Variants in SP100 observed in about 807,000 individuals in gnomAD.
SP100 encodes nuclear autoantigen Sp-100.
In SP100, 84 loss-of-function variants were observed where a neutral mutation model predicts 130.0. That is an observed-to-expected ratio of 0.65 (90% CI 0.54 to 0.77). SP100 has a LOEUF of 0.77. Ranked by LOEUF, SP100 falls within the 30% of genes least tolerant of loss-of-function variation. The pLI is 0.00. For synonymous variants in SP100, 331 were observed against 351.7 expected (o/e 0.94, Z 0.66); for missense variants, 978 against 1,052.2 (o/e 0.93, Z 0.97).
At chr2:230,466,986 A>AG (rs3214547) in intron 12 of SP100, 134 bp from the exon 13 acceptor site, 476,691 of 664,822 alleles carry the variant, frequency 0.72, 173,848 homozygotes, top group South Asian at 0.83. Context: ...TGGAGGTTTG[A>AG]GGCACGGACA....
chr2:230,481,489 T>C (rs909023340), intron 17 of SP100, among the ~76,000 whole-genome samples: 1 of 152,168 alleles, frequency 6.6e-6, no homozygotes. Context: ...ATATATCAGA[T>C]TTGTCCATTC....
rs2063753026 is a variant in SP100 at position 230,447,272 on chromosome 2, C to T, written c.523+370C>T. ...GGAGACCCCTGGGGAAAGAAAGGCT[C>T]CTGTTTTACCTGTACTGTCATATTC... On this transcript the variant is annotated intron_variant, in intron 5 of 28. Coordinates refer to ENST00000340126, the MANE Select transcript of SP100 (RefSeq NM_001080391.2). Among the ~76,000 whole-genome samples, 6 of 152,188 alleles carry T rather than the reference C, an allele frequency of 3.9e-5. 1 individual carries two copies. The highest frequency in any genetic ancestry group is 3.9e-4 in the Admixed American group (6 of 15,278).
chr2:230,489,804 T>G (rs2066302237), intron 17 of SP100, among the ~76,000 whole-genome samples: 1 of 152,208 alleles, frequency 6.6e-6, no homozygotes, highest in Admixed American at 6.5e-5. Flanking sequence ...GTTGTTCAAT[T>G]TCCATGTAAT....
chr2:230,471,432 T>C (rs1458380264), intron 15 of SP100, among the ~76,000 whole-genome samples: 2 of 152,224 alleles, frequency 1.3e-5, no homozygotes, highest in Non-Finnish European at 2.9e-5. Flanking sequence ...TATTATTTCC[T>C]TGTTTGTCTT....
At chr2:230,459,680 T>C (rs1490201724) in intron 8 of SP100, among the ~76,000 whole-genome samples, 1 of 152,180 alleles carries the variant, frequency 6.6e-6, no homozygotes, top group Non-Finnish European at 1.5e-5. Context: ...ATCCCAACTT[T>C]AAAATATCTC....
chr2:230,479,220 C>G (rs2065714297), intron 17 of SP100, among the ~76,000 whole-genome samples: 1 of 152,154 alleles, frequency 6.6e-6, no homozygotes, highest in Admixed American at 6.5e-5. Context: ...TCCTTTCTGT[C>G]TTGTCTTCAC....
chr2:230,416,924 G>A (rs2062615124), intron 1 of SP100: 8 of 982,388 alleles, frequency 8.1e-6, no homozygotes, highest in Non-Finnish European at 9.7e-6. Context: ...TCAATTTCCT[G>A]TCCCAAGATG....
In SP100 at chr2:230,486,905, G is replaced by T. The variant is rs183277581; in HGVS notation, c.1601-7511G>T. 2.3e-3 allele frequency among the ~76,000 whole-genome samples: 345 copies of T among 152,318 alleles called. 1 individual carries two copies. Among genetic ancestry groups the T allele is most frequent in the African/African-American group, 8.1e-3 (336 of 41,566 alleles). On this transcript the variant is annotated intron_variant, in intron 17 of 28. Coordinates refer to ENST00000340126, the MANE Select transcript of SP100 (RefSeq NM_001080391.2). ...TGAGATGGTAACTCACTGTGGTTTT[G>T]ATTTGCGTTTCTCTAATGTTCAGTG...
At chr2:230,533,950 T>C (rs1295981506) in intron 24 of SP100, among the ~76,000 whole-genome samples, 9 of 152,180 alleles carry the variant, frequency 5.9e-5, no homozygotes, top group African/African-American at 2.2e-4. Flanking sequence ...TGAAATTTGG[T>C]TTTCTCTTTT....
Position 230,449,548 on chromosome 2 carries a change from A to T in SP100, c.587-13A>T, listed in dbSNP as rs1323605107. Reference sequence around the variant, plus strand: ...GGGCAAATAAAATACCTGTGAATCAAACCATGGTTTAGGTACAACCCCACC... The same window carrying T: ...GGGCAAATAAAATACCTGTGAATCATACCATGGTTTAGGTACAACCCCACC... On this transcript the variant is annotated splice_polypyrimidine_tract_variant and intron_variant, in intron 6 of 28. Coordinates refer to ENST00000340126, the MANE Select transcript of SP100 (RefSeq NM_001080391.2). 1 of 1,613,804 alleles carries T rather than the reference A, an allele frequency of 6.2e-7. No individual in the cohort carries two copies. Among genetic ancestry groups the T allele is most frequent in the Admixed American group, 1.7e-5 (1 of 59,966 alleles).
At chr2:230,512,068 T>C (rs532556298) in intron 24 of SP100, among the ~76,000 whole-genome samples, 104 of 152,048 alleles carry the variant, frequency 6.8e-4, no homozygotes, top group Middle Eastern at 3.4e-3. Flanking sequence ...GGTCTCACTA[T>C]GTTGCCCAGG....
chr2:230,495,774 G>A (rs11687978), intron 18 of SP100, among the ~76,000 whole-genome samples: 28,948 of 151,744 alleles, frequency 0.19, 2,895 homozygotes, highest in Non-Finnish European at 0.23. Flanking sequence ...TGCTTCTCTT[G>A]CATACTTTAT....
At chr2:230,462,570 G>A in intron 10 of SP100, 52 bp downstream of exon 10, 1 of 1,338,034 alleles carries the variant, frequency 7.5e-7, no homozygotes. Context: ...TGATTTAAGA[G>A]CTACTATTTC....
At position 230,463,217 on chromosome 2, in the gene SP100, A is replaced by G. The variant is rs145905113; in HGVS notation, c.1057+699A>G. On this transcript the variant is annotated intron_variant, in intron 10 of 28. Transcript: ENST00000340126. Reference sequence around the variant, plus strand: ...ATCTCCAAAATCTCATGGTAAATTAAAGGAAAGACAAGACTAGCATCCTGG... The same window carrying G: ...ATCTCCAAAATCTCATGGTAAATTAGAGGAAAGACAAGACTAGCATCCTGG... 1.7e-3 allele frequency among the ~76,000 whole-genome samples: 254 copies of G among 152,340 alleles called. 2 individuals are homozygous for G. The highest frequency in any genetic ancestry group is 3.4e-3 in the Middle Eastern group (1 of 294).
At chr2:230,478,516 G>A (rs1412044254) in intron 17 of SP100, among the ~76,000 whole-genome samples, 1 of 152,206 alleles carries the variant, frequency 6.6e-6, no homozygotes, top group Non-Finnish European at 1.5e-5. Flanking sequence ...TTTTGCAAGA[G>A]AGTAAGACTG....
chr2:230,488,221 T>C (rs946689870), intron 17 of SP100, among the ~76,000 whole-genome samples: 4 of 152,190 alleles, frequency 2.6e-5, no homozygotes, highest in Non-Finnish European at 5.9e-5. Flanking sequence ...TCCAATACTA[T>C]GTTGAACGGG....
At chr2:230,449,365 G>T (rs1301123715) in intron 6 of SP100, 196 bp from the exon 7 acceptor site, 3 of 784,510 alleles carry the variant, frequency 3.8e-6, no homozygotes, top group Admixed American at 2.0e-5. Flanking sequence ...ACTTGCTGCT[G>T]GTTCCTGCTG....
chr2:230,474,516 T>C, intron 17 of SP100, 69 bp downstream of exon 17: 1 of 774,272 alleles, frequency 1.3e-6, no homozygotes, highest in Non-Finnish European at 2.2e-6. Flanking sequence ...CTAAGGTTTA[T>C]TATCATCATT....
In SP100 at chr2:230,519,725, C is replaced by A. The variant is rs575742990; in HGVS notation, c.2094+8559C>A. 1.1e-4 allele frequency among the ~76,000 whole-genome samples: 16 copies of A among 152,246 alleles called. No individual in the cohort carries two copies. The East Asian group carries it at 3.1e-3, about 29-fold the overall frequency. ...AGGCCATTTTTTTTCCCCAGAATTT[C>A]TTTTAGGAGCATCTCACTGCTATCA... On this transcript the variant is annotated intron_variant, in intron 24 of 28. Transcript: ENST00000340126.
Sources: allele counts gnomAD v4.1 joint callset (sites outside exome capture counted in the v4.1 genomes callset), GRCh38; gene constraint gnomAD v4.1.1; transcripts MANE v1.5; gene names NCBI Gene and HGNC (gene_info 2026-07-23, HGNC 2026-07-21).